Variants in PDE4DIP observed in about 807,000 individuals in gnomAD.
PDE4DIP encodes the protein myomegalin.
A neutral mutation model predicts 221.4 loss-of-function variants in PDE4DIP; 59 were observed. The observed-to-expected ratio is 0.27, with a 90% CI of 0.22 to 0.33. The LOEUF (loss-of-function observed/expected upper bound fraction) is 0.33. Among genes scored for constraint, PDE4DIP ranks in the 10% least tolerant of loss-of-function variants. PDE4DIP has a pLI of 1.00. For missense variants in PDE4DIP, 1,036 were observed against 2,154.2 expected, an observed-to-expected ratio of 0.48 and a Z score of 10.28; for synonymous variants, 404 against 815.9, an observed-to-expected ratio of 0.50 and a Z score of 8.60.
chr1:148,998,659 G>C (rs587600753), intron 23 of PDE4DIP, among the ~76,000 whole-genome samples: 4 of 147,490 alleles, frequency 2.7e-5, no homozygotes, highest in Admixed American at 6.7e-5. Flanking sequence ...TGACCAAAAC[G>C]TATAAGGAAT....
intron 30 of PDE4DIP, among the ~76,000 whole-genome samples, chr1:149,010,005 G>T (rs1246434447): frequency 6.6e-6 from 1 of 152,200 alleles, no homozygotes; most frequent in African/African-American, 2.4e-5. Context: ...CGTACAAGCT[G>T]TTGGGCACAA....
At chr1:149,022,154 GA>G (rs1422327683) in intron 37 of PDE4DIP, among the ~76,000 whole-genome samples, 1 of 146,210 alleles carries the variant, frequency 6.8e-6, no homozygotes, top group Non-Finnish European at 1.5e-5. Flanking sequence ...AAGGTTGCTA[GA>G]AATGCCAGCT....
intron 33 of PDE4DIP, 32 bp downstream of exon 36, chr1:149,016,582 A>T (rs782462804): frequency 1.7e-6 from 1 of 593,232 alleles, no homozygotes; most frequent in East Asian, 2.8e-5. Context: ...GCAGCCTTTG[A>T]AAAGAAGTCT....
At chr1:148,890,456 T>TAA (rs72506227) in intron 1 of PDE4DIP, among the ~76,000 whole-genome samples, 72 of 109,358 alleles carry the variant, frequency 6.6e-4, no homozygotes, top group Middle Eastern at 4.4e-3. Flanking sequence ...CCCAGATAAT[T>TAA]AAAAAAAAAA....
rs1396037753 is a variant in PDE4DIP at position 148,964,193 on chromosome 1, T to G, written c.1195-1291T>G. Among the ~76,000 whole-genome samples the G allele has an allele frequency of 2.0e-5, 3 of 148,882 alleles. No individual in the cohort carries two copies. In the East Asian group the frequency reaches 6.2e-4, roughly 31 times the overall value. On this transcript the variant is annotated intron_variant, in intron 9 of 43. Transcript: ENST00000369354. ...GACACAATCTCGGCTCACTGCAACCTCCACCTCCCGGGTTCAAGCGATTCT... is the reference window on the plus strand; with the variant it reads ...GACACAATCTCGGCTCACTGCAACCGCCACCTCCCGGGTTCAAGCGATTCT...
exon 41 of PDE4DIP, chr1:149,028,615 A>T (rs1553632476): frequency 6.2e-7 from 1 of 1,608,766 alleles, no homozygotes; most frequent in African/African-American, 1.3e-5. Context: ...GCCCTGCACC[A>T]TGCCCTAGAG....
rs587608649 is a variant in PDE4DIP, at chr1:148,923,736, G to A, written c.142-5461G>A. On this transcript the variant is annotated intron_variant, in intron 1 of 43. Coordinates refer to ENST00000369354, the Ensembl canonical transcript of PDE4DIP. ...GATCTGCCCGCCTCGGCCTCCCAAAGTTCTGGGATTACAGGCGTGAGCCAC... is the reference window on the plus strand; with the variant it reads ...GATCTGCCCGCCTCGGCCTCCCAAAATTCTGGGATTACAGGCGTGAGCCAC... Among the ~76,000 whole-genome samples the A allele has an allele frequency of 2.2e-4, 32 of 146,066 alleles. 2 individuals carry two copies. The highest frequency in any genetic ancestry group is 4.4e-4 in the Non-Finnish European group (29 of 66,534).
chr1:149,012,768 T>G, exon 32 of PDE4DIP: 1 of 1,602,588 alleles, frequency 6.2e-7, no homozygotes, highest in African/African-American at 1.3e-5. Context: ...CAGAAGCAGT[T>G]GGGAGAAAGT....
At chr1:148,990,197 A>G in intron 21 of PDE4DIP, 3 of 984,506 alleles carry the variant, frequency 3.0e-6, no homozygotes, top group Non-Finnish European at 2.4e-6. Context: ...CCCCTCAAAC[A>G]TGGGAGAAAA....
chr1:148,970,981 G>C (rs1553525952), intron 14 of PDE4DIP, among the ~76,000 whole-genome samples: 2 of 151,416 alleles, frequency 1.3e-5, no homozygotes, highest in Admixed American at 6.6e-5. Context: ...AGAGACAGTT[G>C]GTGTTATGAT....
At position 148,981,410 on chromosome 1, in the gene PDE4DIP, A is replaced by G; in HGVS notation, c.2815+13A>G. ...GCCGCCATTGGAGGTGGGGAACTGG[A>G]AAGTGTGCGAATTCATCACAAGCAT... On this transcript the variant is annotated intron_variant, in intron 21 of 43. Transcript: ENST00000369354. The G allele has an allele frequency of 4.3e-6, 7 of 1,613,858 alleles. No individual in the cohort carries two copies. The highest frequency in any genetic ancestry group is 1.7e-5 in the Admixed American group (1 of 60,014).
intron 1 of PDE4DIP, among the ~76,000 whole-genome samples, chr1:148,905,044 AC>A (rs1335564279): frequency 8.1e-6 from 1 of 123,470 alleles, no homozygotes; most frequent in Non-Finnish European, 1.6e-5. Context: ...CCGGTCCTGG[AC>A]TTTTTTTGTT....
intron 43 of PDE4DIP, chr1:149,030,843 G>A (rs1370401801): frequency 1.0e-6 from 1 of 959,544 alleles, no homozygotes; most frequent in East Asian, 1.4e-4. Context: ...GAACCTTCAG[G>A]GAAAAAATGT....
chr1:148,830,453 T>G (rs1671704024), intron 1 of PDE4DIP, among the ~76,000 whole-genome samples: 1 of 96,414 alleles, frequency 1.0e-5, no homozygotes, highest in Non-Finnish European at 2.2e-5. Flanking sequence ...ATACTTTAAG[T>G]TCTAGGGTAC....
At chr1:148,930,441 C>A (rs587686163) in intron 2 of PDE4DIP, 1 of 150,354 alleles carries the variant, frequency 6.7e-6, no homozygotes, top group African/African-American at 2.4e-5. Context: ...GGCGTGAACC[C>A]GGGAGGCGGA....
Position 149,000,152 on chromosome 1 carries a change from T to C in PDE4DIP, c.3138-1439T>C. On this transcript the variant is annotated intron_variant, in intron 23 of 43. Transcript: ENST00000369354. Reference sequence around the variant, plus strand: ...GCTGTAGGTTCCAAGACTCCTGGATTCTGAGAAATTCAATCTAGGTGCATA... The same window carrying C: ...GCTGTAGGTTCCAAGACTCCTGGATCCTGAGAAATTCAATCTAGGTGCATA... 2.0e-5 allele frequency among the ~76,000 whole-genome samples: 3 copies of C among 152,284 alleles called. No homozygotes were observed. The South Asian group carries it at 6.2e-4, about 32-fold the overall frequency.
intron 1 of PDE4DIP, among the ~76,000 whole-genome samples, chr1:148,924,282 A>C (rs1298265251): frequency 1.3e-5 from 2 of 151,828 alleles, no homozygotes; most frequent in African/African-American, 4.8e-5. Context: ...GGCACCAAGA[A>C]GCATAGGGCA....
chr1:148,907,067 C>CA (rs2042013327), intron 1 of PDE4DIP, among the ~76,000 whole-genome samples: 4 of 151,042 alleles, frequency 2.6e-5, no homozygotes, highest in Admixed American at 2.6e-4. Context: ...CCAAAAAAAA[C>CA]AAAAAAACAA....
At chr1:148,952,908 G>C (rs2762744) in intron 5 of PDE4DIP, 8,122 of 1,547,550 alleles carry the variant, frequency 5.2e-3, no homozygotes, top group African/African-American at 0.051. Flanking sequence ...GATGTCCCCC[G>C]CGATGGCAAA....
Sources: allele counts gnomAD v4.1 joint callset (sites outside exome capture counted in the v4.1 genomes callset), GRCh38; gene constraint gnomAD v4.1.1; transcripts MANE v1.5; gene names NCBI Gene and HGNC (gene_info 2026-07-23, HGNC 2026-07-21).